ABCC9: variants seen among roughly 807,000 people sequenced by gnomAD.
ABCC9 encodes the protein ATP binding cassette subfamily C member 9.
A neutral mutation model predicts 188.3 loss-of-function variants in ABCC9; 95 were observed. The ratio of observed to expected loss-of-function variants is 0.50; its 90% CI spans 0.43 to 0.60. The LOEUF (loss-of-function observed/expected upper bound fraction) is 0.60, where lower values mean the gene tolerates loss of function less well. ABCC9 is among the 20% of genes least tolerant of loss of function. The pLI, the probability that ABCC9 is intolerant of heterozygous loss-of-function variation, is 0.00. For synonymous variants in ABCC9, 659 were observed against 652.7 expected (o/e 1.01, Z -0.15); for missense variants, 1,102 against 1,876.3 (o/e 0.59, Z 7.62).
At chr12:21,937,763 C>T (rs1591762841) in intron 2 of ABCC9, among the ~76,000 whole-genome samples, 1 of 152,118 alleles carries the variant, frequency 6.6e-6, no homozygotes, top group East Asian at 1.9e-4. Context: ...TACTGAGGTC[C>T]AGATAAGTTC....
At chr12:21,817,119 G>T (rs894243464) in intron 33 of ABCC9, 68 bp downstream of exon 33, 3 of 1,533,224 alleles carry the variant, frequency 2.0e-6, no homozygotes, top group African/African-American at 2.7e-5. Flanking sequence ...ACAACAATGT[G>T]CCCAACAAAC....
In ABCC9 at chr12:21,917,116, A is replaced by G. The variant is rs199717786; in HGVS notation, c.407-13T>C. 5.8e-5 allele frequency: 94 copies of G among 1,612,828 alleles called. No individual in the cohort carries two copies. The African/African-American group carries it at 1.1e-3, about 19-fold the overall frequency. ...TACAGGAACAGGGCTGAAAAGAAAAAGACAAAAAGAGAAAGATGCAATCTT... is the reference window on the plus strand; with the variant it reads ...TACAGGAACAGGGCTGAAAAGAAAAGGACAAAAAGAGAAAGATGCAATCTT... On this transcript the variant is annotated splice_polypyrimidine_tract_variant and intron_variant, in intron 5 of 39. Coordinates refer to ENST00000261200, the MANE Select transcript of ABCC9 (RefSeq NM_020297.4).
chr12:21,840,477 T>A (rs528823017), intron 29 of ABCC9, among the ~76,000 whole-genome samples: 1 of 152,216 alleles, frequency 6.6e-6, no homozygotes, highest in African/African-American at 2.4e-5. Flanking sequence ...ACAATTCAAA[T>A]TTGTGATGGA....
At chr12:21,827,506 T>C (rs1260414403) in intron 31 of ABCC9, 1 of 154,780 alleles carries the variant, frequency 6.5e-6, no homozygotes, top group African/African-American at 2.4e-5. Context: ...TATTCATATA[T>C]GATTTTTTCC....
At chr12:21,915,500 G>GTATATATATATATA (rs1948554206) in intron 7 of ABCC9, among the ~76,000 whole-genome samples, 168 bp downstream of exon 7, 2 of 8,362 alleles carry the variant, frequency 2.4e-4, no homozygotes, top group African/African-American at 1.0e-3. Context: ...GTGTGTGTGT[G>GTATATATATATATA]TATATATATA....
At chr12:21,815,296 T>TG (rs1403797011) in intron 34 of ABCC9, among the ~76,000 whole-genome samples, 1 of 151,790 alleles carries the variant, frequency 6.6e-6, no homozygotes, top group Non-Finnish European at 1.5e-5. Flanking sequence ...GTTTTTTTTT[T>TG]TTTTTGCATT....
At chr12:21,831,278 C>G (rs542520162) in intron 30 of ABCC9, 12 of 152,260 alleles carry the variant, frequency 7.9e-5, no homozygotes, top group African/African-American at 2.9e-4. Context: ...TCTTGAACTC[C>G]TGACCTCAGG....
Position 21,875,742 on chromosome 12 carries a change from A to G in ABCC9, c.2020-16T>C. 6.3e-7 allele frequency: 1 copy of G among 1,581,528 alleles called. No individual in the cohort carries two copies. Among genetic ancestry groups the G allele is most frequent in the Non-Finnish European group, 8.7e-7 (1 of 1,150,950 alleles). ...CATTTGTGACCTACAAAATAAAAATACAGAAATTAAATTATATGTGTGGTA... is the reference window on the plus strand; with the variant it reads ...CATTTGTGACCTACAAAATAAAAATGCAGAAATTAAATTATATGTGTGGTA... On this transcript the variant is annotated splice_polypyrimidine_tract_variant and intron_variant, in intron 16 of 39. Coordinates refer to ENST00000261200, the MANE Select transcript of ABCC9 (RefSeq NM_020297.4).
At chr12:21,813,804 C>A (rs1190782878) in intron 35 of ABCC9, among the ~76,000 whole-genome samples, 1 of 152,144 alleles carries the variant, frequency 6.6e-6, no homozygotes, top group African/African-American at 2.4e-5. Flanking sequence ...CATAAACTGA[C>A]CTCTTTATCT....
chr12:21,904,014 C>A (rs1385465942), intron 12 of ABCC9, among the ~76,000 whole-genome samples: 2 of 152,194 alleles, frequency 1.3e-5, no homozygotes, highest in Non-Finnish European at 2.9e-5. Context: ...CATCATGCTA[C>A]CTGACTTCAA....
At chr12:21,801,375 C>A (rs1241330277) in intron 39 of ABCC9, among the ~76,000 whole-genome samples, 194 bp from the exon 40 acceptor site, 1 of 151,994 alleles carries the variant, frequency 6.6e-6, no homozygotes, top group African/African-American at 2.4e-5. Flanking sequence ...AAGCAATGGC[C>A]AATATGGCTG....
intron 5 of ABCC9, chr12:21,925,001 T>C (rs983036526): frequency 6.6e-6 from 1 of 152,292 alleles, no homozygotes; most frequent in African/African-American, 2.4e-5. Flanking sequence ...GACAAATGAA[T>C]AAAATACTGT....
chr12:21,808,034 C>T (rs1941978127), intron 37 of ABCC9, among the ~76,000 whole-genome samples: 1 of 151,890 alleles, frequency 6.6e-6, no homozygotes. Context: ...TGAATATGTC[C>T]TCATTATCCT....
chr12:21,890,029 A>C (rs1947074882), intron 14 of ABCC9, among the ~76,000 whole-genome samples: 1 of 152,156 alleles, frequency 6.6e-6, no homozygotes, highest in African/African-American at 2.4e-5. Flanking sequence ...CATCTTTAGA[A>C]TCTATCCCAA....
chr12:21,845,897 C>T, intron 25 of ABCC9, 65 bp from the exon 26 acceptor site: 1 of 1,136,608 alleles, frequency 8.8e-7, no homozygotes, highest in Non-Finnish European at 1.3e-6. Flanking sequence ...TTTTATTGCT[C>T]CACAAATAGT....
At chr12:21,894,614 ATT>A (rs34181244) in intron 13 of ABCC9, among the ~76,000 whole-genome samples, 80 of 132,792 alleles carry the variant, frequency 6.0e-4, no homozygotes, top group African/African-American at 7.3e-4. Flanking sequence ...ACTTACTTCC[ATT>A]TTTTTTTTTT....
At chr12:21,842,179 C>G in intron 29 of ABCC9, 135 bp downstream of exon 29, 2 of 1,068,114 alleles carry the variant, frequency 1.9e-6, no homozygotes, top group Non-Finnish European at 2.8e-6. Context: ...ATGACAAATT[C>G]AAGTTTTGTG....
chr12:21,933,880 T>C lies in ABCC9; in HGVS notation c.186A>G (p.Thr62=). The change falls in exon 4 of 40, where the codon ACA becomes ACG. Residue 62 remains threonine, a synonymous_variant. Transcript: ENST00000261200. ...QSSKVQIHHN[T]WLHFPGHNLR... ...GGTTATGTCCCGGAAAATGAAGCCA[T>C]GTGTTGTGGTGAATTTGTACTTTTG... The C allele has an allele frequency of 6.2e-7, 1 of 1,613,636 alleles. No homozygotes were observed. The highest frequency in any genetic ancestry group is 8.5e-7 in the Non-Finnish European group (1 of 1,179,676).
At chr12:21,925,324 C>A in intron 5 of ABCC9, 1 of 514,838 alleles carries the variant, frequency 1.9e-6, no homozygotes, top group Non-Finnish European at 3.5e-6. Context: ...CCTCTGATTT[C>A]CACAGAACAA....
Sources: allele counts gnomAD v4.1 joint callset (sites outside exome capture counted in the v4.1 genomes callset), GRCh38; gene constraint gnomAD v4.1.1; transcripts MANE v1.5; gene names NCBI Gene and HGNC (gene_info 2026-07-23, HGNC 2026-07-21).